Variants in PGBD5 observed in about 807,000 individuals in gnomAD.
PGBD5 encodes the protein piggyBac transposable element-derived protein 5.
PGBD5 carries 14 observed loss-of-function variants against 47.9 expected under a neutral mutation model. The ratio of observed to expected loss-of-function variants is 0.29; its 90% confidence interval spans 0.19 to 0.46. The LOEUF is 0.46. Among genes scored for constraint, PGBD5 ranks in the 20% least tolerant of loss-of-function variants. The pLI, the probability that PGBD5 is intolerant of heterozygous loss-of-function variation, is 1.00. For missense variants in PGBD5, 635 were observed against 716.0 expected, an observed-to-expected ratio of 0.89 and a Z score of 1.29; for synonymous variants, 316 against 306.3, an observed-to-expected ratio of 1.03 and a Z score of -0.33.
intron 1 of PGBD5, among the ~76,000 whole-genome samples, chr1:230,389,895 C>T (rs1354657095): frequency 1.3e-5 from 2 of 152,200 alleles, no homozygotes; most frequent in African/African-American, 2.4e-5. Context: ...GGACATCACC[C>T]TGTCCCAAAG....
chr1:230,341,686 T>C (rs999605997), intron 3 of PGBD5, among the ~76,000 whole-genome samples: 4 of 152,182 alleles, frequency 2.6e-5, no homozygotes, highest in Admixed American at 6.5e-5. Context: ...TCCCTAGACA[T>C]ATCTAGAGAA....
At chr1:230,355,654 C>T (rs181098401) in intron 2 of PGBD5, among the ~76,000 whole-genome samples, 3 of 152,296 alleles carry the variant, frequency 2.0e-5, no homozygotes, top group Admixed American at 2.0e-4. Context: ...GAGGATGAGG[C>T]GCAGTGGCAT....
intron 1 of PGBD5, among the ~76,000 whole-genome samples, chr1:230,358,176 G>T (rs148063274): frequency 4.6e-5 from 7 of 152,024 alleles, no homozygotes; most frequent in Non-Finnish European, 7.4e-5. Flanking sequence ...ATCACACAGG[G>T]CTCCTCCCTC....
intron 1 of PGBD5, among the ~76,000 whole-genome samples, chr1:230,368,330 G>C (rs866271756): frequency 3.9e-5 from 6 of 152,272 alleles, no homozygotes; most frequent in Admixed American, 2.0e-4. Context: ...TGTGCGGCCC[G>C]GCAGGGCAGG....
intron 3 of PGBD5, among the ~76,000 whole-genome samples, chr1:230,341,425 T>A (rs1667406325): frequency 6.6e-6 from 1 of 152,188 alleles, no homozygotes; most frequent in Non-Finnish European, 1.5e-5. Context: ...TCTTATCCTA[T>A]CCATGCTCTG....
At chr1:230,330,841 T>C (rs1261958843) in intron 5 of PGBD5, among the ~76,000 whole-genome samples, 1 of 152,188 alleles carries the variant, frequency 6.6e-6, no homozygotes, top group Admixed American at 6.5e-5. Flanking sequence ...ATAGAATACT[T>C]TGGATCCAGA....
intron 1 of PGBD5, among the ~76,000 whole-genome samples, chr1:230,362,625 C>T (rs1313349150): frequency 6.6e-6 from 1 of 152,120 alleles, no homozygotes; most frequent in Non-Finnish European, 1.5e-5. Flanking sequence ...CACTCATGCT[C>T]GTTTTTGGTC....
intron 1 of PGBD5, among the ~76,000 whole-genome samples, chr1:230,424,366 C>T (rs1469215043): frequency 1.3e-5 from 2 of 152,194 alleles, no homozygotes; most frequent in Non-Finnish European, 2.9e-5. Context: ...AATGTACCCA[C>T]CCCCAAAGCA....
intron 3 of PGBD5, among the ~76,000 whole-genome samples, chr1:230,339,957 C>T (rs1436402035): frequency 3.9e-5 from 6 of 152,238 alleles, no homozygotes; most frequent in East Asian, 3.9e-4. Context: ...ACAATATATT[C>T]TTGGAAATTG....
chr1:230,354,821 C>T (rs879742605), intron 2 of PGBD5, among the ~76,000 whole-genome samples: 5 of 152,136 alleles, frequency 3.3e-5, no homozygotes, highest in Admixed American at 6.5e-5. Context: ...CTCACTACCA[C>T]GTAGGGGCAC....
chr1:230,404,573 G>A (rs897932927), intron 1 of PGBD5, among the ~76,000 whole-genome samples: 14 of 144,756 alleles, frequency 9.7e-5, no homozygotes, highest in Non-Finnish European at 1.5e-4. Flanking sequence ...CTGTGCTGCT[G>A]TACTCTAGCC....
chr1:230,386,151 A>G (rs1220843382), intron 1 of PGBD5, among the ~76,000 whole-genome samples: 1 of 151,958 alleles, frequency 6.6e-6, no homozygotes, highest in African/African-American at 2.4e-5. Context: ...ACACAGCGAG[A>G]CCCCATCTCT....
chr1:230,329,590 C>T (rs1287327702), intron 5 of PGBD5, among the ~76,000 whole-genome samples: 1 of 152,236 alleles, frequency 6.6e-6, no homozygotes, highest in Non-Finnish European at 1.5e-5. Context: ...CGGCTCACTG[C>T]AACCTCTGTC....
At position 230,315,716 on chromosome 1, in the gene PGBD5, G is replaced by T. The variant is rs1267867303; in HGVS notation, c.*7709C>A. The T allele has an allele frequency of 1.3e-5, 2 of 150,756 alleles. No individual in the cohort carries two copies. The highest frequency in any genetic ancestry group is 2.0e-4 in the East Asian group (1 of 5,076). The allele number at this position is 150,756 out of a possible 1,614,324, so 9.3% of individuals were successfully genotyped here. On this transcript the variant is annotated 3_prime_UTR_variant, in exon 7 of 7. Transcript: ENST00000391860. ...TTTACACACACATACACACAAGATA[G>T]ATATATATATTAAGTGGACACTGTA...
intron 1 of PGBD5, among the ~76,000 whole-genome samples, chr1:230,407,557 T>G (rs890924727): frequency 1.3e-5 from 2 of 152,182 alleles, no homozygotes; most frequent in Non-Finnish European, 2.9e-5. Flanking sequence ...TGTTTCTCCC[T>G]CCCTTTCTGG....
intron 1 of PGBD5, among the ~76,000 whole-genome samples, chr1:230,371,812 C>T (rs894483699): frequency 2.0e-5 from 3 of 152,168 alleles, no homozygotes; most frequent in African/African-American, 7.2e-5. Flanking sequence ...CATCATCTAC[C>T]GAGTGACAGA....
chr1:230,382,314 G>A (rs1188923579), intron 1 of PGBD5, among the ~76,000 whole-genome samples: 2 of 152,194 alleles, frequency 1.3e-5, no homozygotes, highest in Non-Finnish European at 2.9e-5. Context: ...CAAGAGTCCT[G>A]TAAAGGAATG....
At chr1:230,326,359 G>A (rs1056077468) in intron 5 of PGBD5, among the ~76,000 whole-genome samples, 6 of 152,156 alleles carry the variant, frequency 3.9e-5, no homozygotes, top group Non-Finnish European at 7.3e-5. Flanking sequence ...CCGAGGTTGC[G>A]GTTTGCTGAG....
intron 3 of PGBD5, among the ~76,000 whole-genome samples, chr1:230,339,434 G>A (rs545307750): frequency 3.3e-5 from 5 of 152,210 alleles, no homozygotes; most frequent in East Asian, 1.9e-4. Flanking sequence ...TGGCTGTTAC[G>A]GCAAACAGTA....
Sources: allele counts gnomAD v4.1 joint callset (sites outside exome capture counted in the v4.1 genomes callset), GRCh38; gene constraint gnomAD v4.1.1; transcripts MANE v1.5; gene names NCBI Gene and HGNC (gene_info 2026-07-23, HGNC 2026-07-21).